Variants in F7 observed in about 807,000 individuals in gnomAD.
F7 encodes the protein FVII coagulation protein.
Under a neutral mutation model 47.5 loss-of-function variants are expected in F7, and 38 were observed. The ratio of observed to expected loss-of-function variants is 0.80; its 90% CI spans 0.62 to 1.05. The LOEUF is 1.05. F7 is among the 50% of genes least tolerant of loss of function. The pLI is 0.00. For missense variants in F7, 575 were observed against 605.4 expected (o/e 0.95, Z 0.53); for synonymous variants, 244 against 258.5 (o/e 0.94, Z 0.54).
At chr13:113,111,160 G>A (rs2036086547) in intron 2 of F7, among the ~76,000 whole-genome samples, 1 of 152,204 alleles carries the variant, frequency 6.6e-6, no homozygotes, top group Non-Finnish European at 1.5e-5. Flanking sequence ...AGTCCCCCCA[G>A]TCCCCGAAGG....
At chr13:113,106,882 C>T in intron 1 of F7, 1 of 1,607,062 alleles carries the variant, frequency 6.2e-7, no homozygotes, top group Non-Finnish European at 8.5e-7. Context: ...AAACACGGGA[C>T]ATGCCGTGGA....
intron 1 of F7, among the ~76,000 whole-genome samples, chr13:113,109,162 GGGCGTGGGTATCCCAGA>G: frequency 7.0e-6 from 1 of 142,672 alleles, no homozygotes; most frequent in African/African-American, 2.6e-5. Context: ...GGTGTCCCGG[GGGCGTGGGTATCCCAGA>G]AGTGTGAGTG....
chr13:113,112,115 A>G (rs1326749149), intron 2 of F7, among the ~76,000 whole-genome samples: 1 of 136,862 alleles, frequency 7.3e-6, no homozygotes, highest in Non-Finnish European at 1.6e-5. Context: ...CACAGAGGTC[A>G]CCTCACACGG....
In F7 at chr13:113,116,820, C is replaced by T. The variant is rs1421524833; in HGVS notation, c.560C>T (p.Pro187Leu). ...CTAGAAAAAAGAAATGCCAGCAAAC[C>T]CCAAGGCCGAATTGTGGGGGGCAAG... ...PILEKRNASK[P>L]QGRIVGGKVC... The change falls in exon 6 of 8, where the codon CCC (proline) becomes CTC (leucine). Residue 187 changes from proline to leucine, a missense_variant. Transcript: ENST00000346342. The T allele has an allele frequency of 2.5e-6, 4 of 1,613,904 alleles. No individual in the cohort carries two copies. In the South Asian group the frequency reaches 3.3e-5, roughly 13 times the overall value.
intron 6 of F7, 135 bp from the exon 7 acceptor site, chr13:113,117,338 G>A (rs1448905442): frequency 5.6e-6 from 8 of 1,420,784 alleles, no homozygotes; most frequent in Non-Finnish European, 6.7e-6. Context: ...TTGCCTGGGA[G>A]GGATCTGCAA....
chr13:113,120,562 C>T lies in F7; in HGVS notation c.*1554C>T. ...CTCACAGCAGCAAGGCAGGCACCAG[C>T]AACCCACCTCGGGGGCACTCAGGCA... On this transcript the variant is annotated 3_prime_UTR_variant, in exon 8 of 8. Coordinates refer to ENST00000346342, the MANE Select transcript of F7 (RefSeq NM_019616.4). 6.4e-6 allele frequency: 1 copy of T among 156,246 alleles called. No homozygotes were observed. Among genetic ancestry groups the T allele is most frequent in the Non-Finnish European group, 1.4e-5 (1 of 70,908 alleles). The allele number at this position is 156,246 out of a possible 1,614,324, so 9.7% of individuals were successfully genotyped here.
chr13:113,117,453 C>T lies in F7; in HGVS notation c.616-20C>T. The T allele has an allele frequency of 2.5e-6, 4 of 1,613,422 alleles. No homozygotes were observed. Among genetic ancestry groups the T allele is most frequent in the Non-Finnish European group, 2.5e-6 (3 of 1,179,422 alleles). On this transcript the variant is annotated intron_variant, in intron 6 of 7. Coordinates refer to ENST00000346342, the MANE Select transcript of F7 (RefSeq NM_019616.4). ...CAATGACAGCAATGTGACTTCCACA[C>T]CTCCTGTCCCCCCGCCCAGGTCCTG...
rs377309054 is a variant in F7, at chr13:113,107,939, T to C, written c.64+2034T>C. On this transcript the variant is annotated intron_variant, in intron 1 of 7. Transcript: ENST00000346342. The stretch of plus-strand genomic sequence containing the variant: ...CCCAGGGGCGTGGGTGTCCCGGGGG[T>C]GTGGGTGTCCCGGGGGCGTGGGTGT... 5.0e-3 allele frequency among the ~76,000 whole-genome samples: 276 copies of C among 55,714 alleles called. 13 individuals carry two copies. Among genetic ancestry groups the C allele is most frequent in the Non-Finnish European group, 7.2e-3 (198 of 27,524 alleles). The allele number at this position is 55,714 out of a possible 152,430, so 36.6% of individuals were successfully genotyped here.
intron 5 of F7, among the ~76,000 whole-genome samples, 189 bp from the exon 6 acceptor site, chr13:113,116,577 G>A (rs1432949105): frequency 2.6e-5 from 4 of 152,232 alleles, no homozygotes; most frequent in Admixed American, 2.6e-4. Context: ...TCATGGCCGG[G>A]CCCCACCAGT....
chr13:113,114,328 GTT>G (rs1206794862), intron 4 of F7, among the ~76,000 whole-genome samples: 1 of 143,912 alleles, frequency 6.9e-6, no homozygotes, highest in Non-Finnish European at 1.6e-5. Flanking sequence ...GGTTTGAGGG[GTT>G]TGTTTTTTTT....
At chr13:113,118,189 A>G (rs1385144920) in intron 7 of F7, among the ~76,000 whole-genome samples, 1 of 152,014 alleles carries the variant, frequency 6.6e-6, no homozygotes, top group Non-Finnish European at 1.5e-5. Flanking sequence ...TCCCCACCTC[A>G]ACACCCAGAC....
intron 2 of F7, 28 bp downstream of exon 2, chr13:113,110,878 C>T: frequency 1.9e-6 from 3 of 1,549,766 alleles, no homozygotes; most frequent in Non-Finnish European, 2.6e-6. Flanking sequence ...GCGCCCCGCG[C>T]CGCGGACACT....
chr13:113,112,611 C>A (rs1386381992), intron 2 of F7, among the ~76,000 whole-genome samples: 1 of 145,064 alleles, frequency 6.9e-6, no homozygotes, highest in African/African-American at 2.6e-5. Context: ...TCACAGAGGT[C>A]ACCTCACACG....
rs548378918 is a variant in F7, at chr13:113,112,710, C to T, written c.226-1042C>T. Among the ~76,000 whole-genome samples, 49 of 139,138 alleles carry T rather than the reference C, an allele frequency of 3.5e-4. 2 individuals carry two copies. Among genetic ancestry groups the T allele is most frequent in the African/African-American group, 1.2e-3 (45 of 37,446 alleles). 91.3% of individuals were successfully genotyped at this position (139,138 alleles called of 152,430 possible). A position where few individuals can be genotyped will look rare whatever the true frequency, so the allele number is the denominator to read the frequency against. ...CCACAGGACAACTCACAGAGGTCAC[C>T]TCACACAGGACACCTCACAAAGGTC... On this transcript the variant is annotated intron_variant, in intron 2 of 7. Coordinates refer to ENST00000346342, the MANE Select transcript of F7 (RefSeq NM_019616.4).
At chr13:113,115,325 T>G (rs493833) in intron 4 of F7, among the ~76,000 whole-genome samples, 27,789 of 152,130 alleles carry the variant, frequency 0.18, 3,269 homozygotes, top group African/African-American at 0.32. Context: ...CCATCCCCAT[T>G]GGACTTTCAC....
intron 1 of F7, among the ~76,000 whole-genome samples, chr13:113,106,635 GATGGC>G (rs2035965204): frequency 8.4e-6 from 1 of 119,104 alleles, no homozygotes; most frequent in Non-Finnish European, 1.8e-5. Flanking sequence ...GGGGGGTGGG[GATGGC>G]GAGTGGGGCT....
chr13:113,117,443 G>A (rs542247281), intron 6 of F7, 30 bp from the exon 7 acceptor site: 2 of 1,611,854 alleles, frequency 1.2e-6, no homozygotes, highest in South Asian at 2.2e-5. Flanking sequence ...ACAGCAATGT[G>A]ACTTCCACAC....
rs1355741096 is a variant in F7 at position 113,110,857 on chromosome 13, C to T, written c.225+7C>T. On this transcript the variant is annotated splice_region_variant and intron_variant, in intron 2 of 7. Coordinates refer to ENST00000346342, the MANE Select transcript of F7 (RefSeq NM_019616.4). Reference sequence around the variant, plus strand: ...CAAGGACGCGGAGAGGACGGTGAGCCCAGCCTCGGGGCGCCCCGCGCCGCG... The same window carrying T: ...CAAGGACGCGGAGAGGACGGTGAGCTCAGCCTCGGGGCGCCCCGCGCCGCG... 6.4e-7 allele frequency: 1 copy of T among 1,556,076 alleles called. No homozygotes were observed. Among genetic ancestry groups the T allele is most frequent in the African/African-American group, 1.4e-5 (1 of 73,512 alleles).
chr13:113,110,536 G>A (rs984402731), intron 1 of F7, 154 bp from the exon 2 acceptor site: 1 of 991,432 alleles, frequency 1.0e-6, no homozygotes, highest in South Asian at 1.6e-5. Flanking sequence ...GAGCACGGCA[G>A]GGAGGACACC....
Sources: allele counts gnomAD v4.1 joint callset (sites outside exome capture counted in the v4.1 genomes callset), GRCh38; gene constraint gnomAD v4.1.1; transcripts MANE v1.5; gene names NCBI Gene and HGNC (gene_info 2026-07-23, HGNC 2026-07-21).